FAM193A: variants seen among roughly 807,000 people sequenced by gnomAD.
FAM193A encodes protein FAM193A.
In FAM193A, 22 loss-of-function variants were observed where a neutral mutation model predicts 126.5. The observed-to-expected ratio is 0.17, with a 90% CI of 0.12 to 0.25. The LOEUF is 0.25. Ranked by LOEUF, FAM193A falls within the 10% of genes least tolerant of loss-of-function variation. FAM193A has a pLI of 1.00. For missense variants in FAM193A, 1,675 were observed against 1,672.8 expected (o/e 1.00, Z -0.02); for synonymous variants, 761 against 646.8 (o/e 1.18, Z -2.68).
chr4:2,665,909 C>T (rs754234157), intron 12 of FAM193A, among the ~76,000 whole-genome samples: 3 of 152,146 alleles, frequency 2.0e-5, no homozygotes, highest in Non-Finnish European at 2.9e-5. Context: ...TGCAGTGGTG[C>T]TATCTCGGCT....
chr4:2,540,121 A>C (rs1737139286), intron 1 of FAM193A, among the ~76,000 whole-genome samples: 1 of 149,298 alleles, frequency 6.7e-6, no homozygotes, highest in African/African-American at 2.4e-5. Context: ...TCTGTCTCAA[A>C]AAAAAAAAAA....
chr4:2,559,827 TC>T (rs1251013831), intron 1 of FAM193A, among the ~76,000 whole-genome samples: 2 of 152,226 alleles, frequency 1.3e-5, no homozygotes, highest in African/African-American at 2.4e-5. Context: ...GCCTTGCTGT[TC>T]CACTGCTGTT....
At chr4:2,685,666 G>A (rs1715652414) in intron 13 of FAM193A, among the ~76,000 whole-genome samples, 1 of 152,090 alleles carries the variant, frequency 6.6e-6, no homozygotes, top group Admixed American at 6.6e-5. Flanking sequence ...ATTTTTGCTC[G>A]GATGCTTAGT....
chr4:2,615,172 T>C (rs983999996), intron 2 of FAM193A: 4 of 152,416 alleles, frequency 2.6e-5, no homozygotes, highest in Non-Finnish European at 5.9e-5. Flanking sequence ...AACAAAGAAA[T>C]CTGTACTGGT....
intron 3 of FAM193A, 129 bp downstream of exon 3, chr4:2,625,524 T>C (rs1577091575): frequency 3.9e-6 from 2 of 517,472 alleles, no homozygotes; most frequent in Non-Finnish European, 7.0e-6. Flanking sequence ...TGCTTCGCTA[T>C]TGAGAGAAAG....
chr4:2,703,109 A>G (rs1454651622), intron 19 of FAM193A, among the ~76,000 whole-genome samples: 1 of 152,154 alleles, frequency 6.6e-6, no homozygotes, highest in Admixed American at 6.5e-5. Context: ...ATATTCTGGG[A>G]ATCACTGCAC....
intron 19 of FAM193A, among the ~76,000 whole-genome samples, chr4:2,703,938 C>G (rs1718023822): frequency 6.6e-6 from 1 of 151,284 alleles, no homozygotes; most frequent in Non-Finnish European, 1.5e-5. Context: ...CACCACTGCA[C>G]TCCAGCCTGG....
intron 19 of FAM193A, among the ~76,000 whole-genome samples, 179 bp downstream of exon 19, chr4:2,700,723 G>A (rs1283537220): frequency 6.6e-6 from 1 of 152,168 alleles, no homozygotes; most frequent in East Asian, 1.9e-4. Flanking sequence ...CACTTTGTGA[G>A]GCCAGGGTGG....
Position 2,663,090 on chromosome 4 carries a change from CAA to C in FAM193A, c.1900-16_1900-15del. 1 of 1,604,998 alleles carries C rather than the reference CAA, an allele frequency of 6.2e-7. No individual in the cohort carries two copies. Among genetic ancestry groups the C allele is most frequent in the African/African-American group, 1.3e-5 (1 of 74,540 alleles). On this transcript the variant is annotated splice_polypyrimidine_tract_variant and intron_variant, in intron 11 of 20. Coordinates refer to ENST00000637812, the MANE Select transcript of FAM193A (RefSeq NM_001366318.2). ...ACTCTGTTTTGAAAAGTGCAAATTA[CAA>C]AAGATTGTCTTTAAAGTCTCCTCAG...
In FAM193A at chr4:2,732,038, C is replaced by T. The variant is rs533948633; in HGVS notation, c.*170C>T. On this transcript the variant is annotated 3_prime_UTR_variant, in exon 21 of 21. Coordinates refer to ENST00000637812, the MANE Select transcript of FAM193A (RefSeq NM_001366318.2). ...GTTGATGCTCGGCCCACGCCGTTAG[C>T]TCGTGTGCGTGTAGTCTGTGCGTGA... 7.9e-5 allele frequency: 51 copies of T among 645,458 alleles called. No individual in the cohort carries two copies. Among genetic ancestry groups the T allele is most frequent in the African/African-American group, 7.3e-4 (41 of 56,104 alleles). The allele number at this position is 645,458 out of a possible 1,614,324, so 40.0% of individuals were successfully genotyped here.
At chr4:2,670,708 C>T (rs1264316246) in intron 12 of FAM193A, among the ~76,000 whole-genome samples, 2 of 152,168 alleles carry the variant, frequency 1.3e-5, no homozygotes, top group African/African-American at 2.4e-5. Context: ...GATCTTCCCA[C>T]CTCTGCCTCC....
intron 10 of FAM193A, among the ~76,000 whole-genome samples, chr4:2,661,601 C>A (rs934069605): frequency 5.3e-5 from 8 of 152,144 alleles, no homozygotes; most frequent in Non-Finnish European, 1.0e-4. Flanking sequence ...TTGTACTTAC[C>A]TCTGGTGAGC....
chr4:2,632,351 AG>A (rs975278300), intron 5 of FAM193A, among the ~76,000 whole-genome samples: 22 of 152,062 alleles, frequency 1.4e-4, no homozygotes, highest in Admixed American at 1.4e-3. Context: ...GGATCACTTG[AG>A]CCCAGGAGCT....
intron 8 of FAM193A, among the ~76,000 whole-genome samples, chr4:2,658,153 G>A (rs1344424410): frequency 6.6e-6 from 1 of 152,170 alleles, no homozygotes; most frequent in African/African-American, 2.4e-5. Context: ...ATTTTGCAAA[G>A]GATATTACCT....
At chr4:2,695,683 C>CT (rs928560024) in intron 17 of FAM193A, among the ~76,000 whole-genome samples, 12 of 151,936 alleles carry the variant, frequency 7.9e-5, no homozygotes, top group African/African-American at 2.9e-4. Context: ...GGATTCAGGG[C>CT]TTTTTTTGGC....
chr4:2,602,283 A>G (rs1741244586), intron 2 of FAM193A, among the ~76,000 whole-genome samples: 1 of 149,200 alleles, frequency 6.7e-6, no homozygotes, highest in Non-Finnish European at 1.5e-5. Flanking sequence ...CTCTCTCTTT[A>G]TCCTCTTTGC....
intron 20 of FAM193A, among the ~76,000 whole-genome samples, chr4:2,728,147 T>C (rs980026599): frequency 2.6e-4 from 39 of 151,618 alleles, no homozygotes; most frequent in African/African-American, 9.4e-4. Context: ...GTCAGGCTGG[T>C]CTCGAACTCC....
At chr4:2,728,137 GTCAGGCTGGTCTCGAAC>G (rs1720963200) in intron 20 of FAM193A, among the ~76,000 whole-genome samples, 1 of 151,462 alleles carries the variant, frequency 6.6e-6, no homozygotes, top group African/African-American at 2.4e-5. Context: ...CTCCATGTTG[GTCAGGCTGGTCTCGAAC>G]TCCCGACCTC....
chr4:2,708,445 T>C (rs918193395), intron 19 of FAM193A, among the ~76,000 whole-genome samples: 9 of 152,002 alleles, frequency 5.9e-5, no homozygotes, highest in Non-Finnish European at 8.8e-5. Context: ...TTTATTTTTT[T>C]ATTTTTTATT....
Sources: allele counts gnomAD v4.1 joint callset (sites outside exome capture counted in the v4.1 genomes callset), GRCh38; gene constraint gnomAD v4.1.1; transcripts MANE v1.5; gene names NCBI Gene and HGNC (gene_info 2026-07-23, HGNC 2026-07-21).